Variants in PLXNC1 observed in about 807,000 individuals in gnomAD.
PLXNC1 encodes plexin-C1.
Under a neutral mutation model 178.2 loss-of-function variants are expected in PLXNC1, and 75 were observed. That is an observed-to-expected ratio of 0.42 (90% confidence interval 0.35 to 0.51). The LOEUF (loss-of-function observed/expected upper bound fraction) is 0.51. PLXNC1 is among the 20% of genes least tolerant of loss of function. The pLI, the probability that PLXNC1 is intolerant of heterozygous loss-of-function variation, is 0.02. For missense variants in PLXNC1, 1,503 were observed against 1,984.4 expected, an observed-to-expected ratio of 0.76 and a Z score of 4.61; for synonymous variants, 790 against 779.9, an observed-to-expected ratio of 1.01 and a Z score of -0.22.
At chr12:94,209,274 C>A (rs376578850) in intron 4 of PLXNC1, among the ~76,000 whole-genome samples, 3 of 152,160 alleles carry the variant, frequency 2.0e-5, no homozygotes, top group East Asian at 3.8e-4. Context: ...ATTTCAGAAT[C>A]CATGGGAGGA....
chr12:94,245,572 T>C (rs540670416), intron 12 of PLXNC1, among the ~76,000 whole-genome samples: 14 of 152,304 alleles, frequency 9.2e-5, no homozygotes, highest in African/African-American at 3.4e-4. Context: ...TTCTAGGTCC[T>C]CTGGTTCCCT....
chr12:94,171,581 C>A (rs1187976497), intron 2 of PLXNC1, among the ~76,000 whole-genome samples: 1 of 152,160 alleles, frequency 6.6e-6, no homozygotes, highest in African/African-American at 2.4e-5. Flanking sequence ...AGAGACTGCA[C>A]TAAGATCCCC....
intron 3 of PLXNC1, among the ~76,000 whole-genome samples, chr12:94,182,010 T>C (rs1045047545): frequency 6.6e-6 from 1 of 152,144 alleles, no homozygotes; most frequent in Non-Finnish European, 1.5e-5. Context: ...TATATGGTAC[T>C]CCCCCTCCCC....
chr12:94,188,087 C>G (rs764758628), intron 4 of PLXNC1, among the ~76,000 whole-genome samples: 31 of 151,842 alleles, frequency 2.0e-4, no homozygotes, highest in Non-Finnish European at 2.9e-4. Flanking sequence ...GGGTCAGATT[C>G]AGCTGAGAGG....
chr12:94,248,165 G>C, intron 13 of PLXNC1, 59 bp downstream of exon 13: 1 of 1,595,256 alleles, frequency 6.3e-7, no homozygotes, highest in East Asian at 2.2e-5. Context: ...GGAAAGGTGT[G>C]TTTATGCTCG....
chr12:94,210,596 A>G (rs531487198), intron 5 of PLXNC1, among the ~76,000 whole-genome samples: 4 of 152,360 alleles, frequency 2.6e-5, no homozygotes, highest in East Asian at 3.9e-4. Flanking sequence ...TCAGAGAAAT[A>G]GCAAGAACTT....
chr12:94,204,050 G>T (rs1276647528), intron 4 of PLXNC1, among the ~76,000 whole-genome samples: 1 of 152,122 alleles, frequency 6.6e-6, no homozygotes, highest in African/African-American at 2.4e-5. Context: ...CCAGATGCAG[G>T]CCCCTCGACC....
chr12:94,182,650 A>G (rs1962353399), intron 3 of PLXNC1, among the ~76,000 whole-genome samples: 1 of 151,702 alleles, frequency 6.6e-6, no homozygotes, highest in South Asian at 2.1e-4. Context: ...GCTTGAAACC[A>G]GGAGGTGGAG....
chr12:94,282,386 C>A lies in PLXNC1; in HGVS notation c.3864C>A (p.Thr1288=). 1 of 1,610,526 alleles carries A rather than the reference C, an allele frequency of 6.2e-7. No individual in the cohort carries two copies. Among genetic ancestry groups the A allele is most frequent in the Non-Finnish European group, 8.5e-7 (1 of 1,176,764 alleles). Residue 1288 remains threonine, a synonymous_variant, in exon 23 of 31, where the codon ACC becomes ACA. Coordinates refer to ENST00000258526, the MANE Select transcript of PLXNC1 (RefSeq NM_005761.3). ...AAGATGGAATCACCAAGCTAAACACCATTGGCCACTATGAGGTAAGAGCAA... is the reference window on the plus strand; with the variant it reads ...AAGATGGAATCACCAAGCTAAACACAATTGGCCACTATGAGGTAAGAGCAA... ...ILEDGITKLN[T]IGHYEISNGS... is the part of the protein sequence containing the mutation.
intron 5 of PLXNC1, among the ~76,000 whole-genome samples, chr12:94,216,186 T>C (rs111440326): frequency 0.02 from 3,070 of 151,412 alleles, 118 homozygotes; most frequent in African/African-American, 0.071. Flanking sequence ...GAGAATCGCT[T>C]AAATCTGGGA....
intron 4 of PLXNC1, among the ~76,000 whole-genome samples, chr12:94,194,515 A>T (rs1482401392): frequency 6.6e-6 from 1 of 152,168 alleles, no homozygotes; most frequent in East Asian, 1.9e-4. Flanking sequence ...GCACTTTGGG[A>T]GGCCGAGTTG....
intron 20 of PLXNC1, among the ~76,000 whole-genome samples, chr12:94,264,520 T>C (rs948417324): frequency 7.6e-5 from 10 of 131,904 alleles, no homozygotes; most frequent in Non-Finnish European, 1.1e-4. Flanking sequence ...GGGCCTGGCC[T>C]GGCCCATGGA....
chr12:94,237,054 A>G (rs1964262328), intron 9 of PLXNC1, among the ~76,000 whole-genome samples: 2 of 152,236 alleles, frequency 1.3e-5, no homozygotes, highest in Non-Finnish European at 2.9e-5. Flanking sequence ...GAAACTGGGT[A>G]GCAAGAAGGA....
At position 94,206,390 on chromosome 12, in the gene PLXNC1, A is replaced by G. The variant is rs546778179; in HGVS notation, c.1440-3200A>G. Among the ~76,000 whole-genome samples, 10 of 152,312 alleles carry G rather than the reference A, an allele frequency of 6.6e-5. No homozygotes were observed. The East Asian group carries it at 1.9e-3, about 29-fold the overall frequency. Reference sequence around the variant, plus strand: ...CAGCAGATTTTATAGCAAACTAACAAGAACAGCTTTCTTAAATAGTTTCAT... The same window carrying G: ...CAGCAGATTTTATAGCAAACTAACAGGAACAGCTTTCTTAAATAGTTTCAT... On this transcript the variant is annotated intron_variant, in intron 4 of 30. Coordinates refer to ENST00000258526, the MANE Select transcript of PLXNC1 (RefSeq NM_005761.3).
chr12:94,252,069 A>G (rs540393266), intron 15 of PLXNC1, among the ~76,000 whole-genome samples: 4 of 152,322 alleles, frequency 2.6e-5, no homozygotes, highest in South Asian at 4.1e-4. Context: ...CACAGATGGT[A>G]TCTTGGGATT....
intron 14 of PLXNC1, 147 bp downstream of exon 14, chr12:94,248,559 A>C: frequency 1.0e-5 from 7 of 676,514 alleles, no homozygotes; most frequent in Non-Finnish European, 1.7e-5. Context: ...CTGCGAGCCC[A>C]AGCAAAATAG....
chr12:94,270,055 G>A (rs963972187), intron 21 of PLXNC1, among the ~76,000 whole-genome samples: 3 of 152,158 alleles, frequency 2.0e-5, no homozygotes, highest in East Asian at 3.9e-4. Flanking sequence ...TAGCTCAAAT[G>A]TGACTCTATT....
intron 15 of PLXNC1, among the ~76,000 whole-genome samples, chr12:94,253,025 A>C (rs184409997): frequency 0.018 from 2,673 of 152,102 alleles, 15 homozygotes; most frequent in Middle Eastern, 0.027. Flanking sequence ...ATCCTGACCA[A>C]CATGGTGAAA....
intron 1 of PLXNC1, among the ~76,000 whole-genome samples, chr12:94,163,866 C>G (rs1166283191): frequency 6.6e-6 from 1 of 152,186 alleles, no homozygotes; most frequent in Non-Finnish European, 1.5e-5. Context: ...CAACCCGAGC[C>G]TTCCTAGCTA....
Sources: allele counts gnomAD v4.1 joint callset (sites outside exome capture counted in the v4.1 genomes callset), GRCh38; gene constraint gnomAD v4.1.1; transcripts MANE v1.5; gene names NCBI Gene and HGNC (gene_info 2026-07-23, HGNC 2026-07-21).